Variants in NEBL observed in about 807,000 individuals in gnomAD.
The protein encoded by NEBL is nebulette.
A neutral mutation model predicts 140.2 loss-of-function variants in NEBL; 122 were observed. That is an observed-to-expected ratio of 0.87 (90% CI 0.75 to 1.01). NEBL has a LOEUF of 1.01. NEBL is among the 50% of genes least tolerant of loss of function. NEBL has a pLI of 0.00. For synonymous variants in NEBL, 436 were observed against 398.9 expected, an observed-to-expected ratio of 1.09 and a Z score of -1.11; for missense variants, 1,365 against 1,231.3, an observed-to-expected ratio of 1.11 and a Z score of -1.62.
intron 3 of NEBL, among the ~76,000 whole-genome samples, chr10:21,183,582 T>C (rs774258528): frequency 1.3e-5 from 2 of 152,190 alleles, no homozygotes; most frequent in Non-Finnish European, 2.9e-5. Flanking sequence ...ATCCACATCA[T>C]TTACAAAAGT....
intron 2 of NEBL, among the ~76,000 whole-genome samples, chr10:21,072,302 T>C (rs1371136470): frequency 6.6e-6 from 1 of 152,164 alleles, no homozygotes; most frequent in African/African-American, 2.4e-5. Flanking sequence ...TTTTATAATG[T>C]CATTGGATTT....
intron 2 of NEBL, among the ~76,000 whole-genome samples, chr10:21,024,067 G>C (rs1327576262): frequency 7.0e-6 from 1 of 142,142 alleles, no homozygotes; most frequent in African/African-American, 2.9e-5. Context: ...GTTACTCTGG[G>C]GAAAAAAAAA....
At chr10:20,942,124 T>C (rs189193565) in intron 4 of NEBL, among the ~76,000 whole-genome samples, 1 of 152,192 alleles carries the variant, frequency 6.6e-6, no homozygotes, top group African/African-American at 2.4e-5. Context: ...AGAGCCCACC[T>C]TGCCAAGTCA....
intron 2 of NEBL, among the ~76,000 whole-genome samples, chr10:21,164,791 C>T (rs542791846): frequency 6.6e-6 from 1 of 152,286 alleles, no homozygotes; most frequent in South Asian, 2.1e-4. Flanking sequence ...TTTTTATTGG[C>T]TCAAAGTATC....
At chr10:20,969,324 A>G (rs969724585) in intron 3 of NEBL, among the ~76,000 whole-genome samples, 7 of 152,034 alleles carry the variant, frequency 4.6e-5, no homozygotes, top group Admixed American at 4.6e-4. Flanking sequence ...ATAATTAAAA[A>G]GCATTAAAAA....
chr10:20,899,505 CAA>C (rs560002178), upstream of NEBL: 1,351 of 1,059,568 alleles, frequency 1.3e-3, 17 homozygotes, highest in South Asian at 0.012. Flanking sequence ...AAACAAAAAC[CAA>C]ACACCACGTG....
chr10:21,205,471 A>G (rs1033950265), intron 3 of NEBL, among the ~76,000 whole-genome samples: 1 of 152,234 alleles, frequency 6.6e-6, no homozygotes, highest in South Asian at 2.1e-4. Context: ...AATACTTTGC[A>G]GCTATTAAAA....
intron 2 of NEBL, among the ~76,000 whole-genome samples, chr10:21,114,935 A>C (rs766046911): frequency 3.3e-5 from 5 of 151,720 alleles, no homozygotes; most frequent in Non-Finnish European, 5.9e-5. Flanking sequence ...ATATATCGTC[A>C]TGCTATTTGT....
At chr10:21,130,707 C>T (rs1044656264) in intron 2 of NEBL, among the ~76,000 whole-genome samples, 108 of 152,030 alleles carry the variant, frequency 7.1e-4, no homozygotes, top group African/African-American at 2.6e-3. Context: ...GAAAATACAA[C>T]TTGTCAAAAA....
At position 20,889,916 on chromosome 10, in the gene NEBL, C is replaced by T. The variant is rs1307043925; in HGVS notation, c.187G>A (p.Asp63Asn). Residue 63 changes from aspartate (D) to asparagine (N), a missense_variant, in exon 3 of 28, where the codon GAT (aspartate) becomes AAT (asparagine). Transcript: ENST00000377122. ...RYKEEFKKSK[D>N]KCTFVTDSPM... The stretch of plus-strand genomic sequence containing the variant: ...CTGTCAGTCACAAATGTACACTTAT[C>T]CTTGGACTTTTTAAACTCTTCTTTA... 5 of 1,610,034 alleles carry T rather than the reference C, an allele frequency of 3.1e-6. No homozygotes were observed. The highest frequency in any genetic ancestry group is 3.4e-6 in the Non-Finnish European group (4 of 1,177,430).
chr10:21,248,009 TTA>T, intron 2 of NEBL: 4 of 222,498 alleles, frequency 1.8e-5, no homozygotes, highest in African/African-American at 9.6e-5. Context: ...GAAATTATGA[TTA>T]AAAAAAAAAA....
At chr10:21,127,560 C>T (rs556010517) in intron 2 of NEBL, among the ~76,000 whole-genome samples, 61 of 147,778 alleles carry the variant, frequency 4.1e-4, no homozygotes, top group Non-Finnish European at 7.7e-4. Context: ...GCAATCTTGC[C>T]TAGAAAAAAA....
At chr10:21,091,140 T>C (rs997460997) in intron 2 of NEBL, among the ~76,000 whole-genome samples, 1 of 152,202 alleles carries the variant, frequency 6.6e-6, no homozygotes, top group African/African-American at 2.4e-5. Context: ...CCATCATCTC[T>C]TTCCTGGCTT....
At chr10:21,051,597 C>T (rs1215774282) in intron 2 of NEBL, among the ~76,000 whole-genome samples, 1 of 151,906 alleles carries the variant, frequency 6.6e-6, no homozygotes, top group Non-Finnish European at 1.5e-5. Context: ...AGAAATGAGG[C>T]ACAAAAAAAT....
At chr10:20,793,589 T>A (rs1836219903) in intron 26 of NEBL, among the ~76,000 whole-genome samples, 1 of 151,688 alleles carries the variant, frequency 6.6e-6, no homozygotes, top group African/African-American at 2.4e-5. Flanking sequence ...GATCTGGCTC[T>A]GTCACCCAGG....
At chr10:21,100,437 C>G (rs976482306) in intron 2 of NEBL, among the ~76,000 whole-genome samples, 1 of 152,126 alleles carries the variant, frequency 6.6e-6, no homozygotes, top group African/African-American at 2.4e-5. Flanking sequence ...CTGGAAGAAT[C>G]GATGTTGCTA....
At chr10:20,975,722 T>C (rs1476492510) in intron 3 of NEBL, among the ~76,000 whole-genome samples, 1 of 152,126 alleles carries the variant, frequency 6.6e-6, no homozygotes, top group Non-Finnish European at 1.5e-5. Flanking sequence ...CTCCAGCATC[T>C]CTTGGACATG....
chr10:21,292,778 T>C lies in NEBL; in HGVS notation n.182+52A>G, dbSNP rs182281405. On this transcript the variant is annotated intron_variant and non_coding_transcript_variant, in intron 1 of 8. Transcript: ENST00000675702. The stretch of plus-strand genomic sequence containing the variant: ...TCAAATGTAAAAATCTGTATAAGGA[T>C]AGATTGTTTCATTTTGTTTCTTTAG... Among the ~76,000 whole-genome samples, 8 of 152,346 alleles carry C rather than the reference T, an allele frequency of 5.3e-5. No individual in the cohort carries two copies. The East Asian group carries it at 1.5e-3, about 29-fold the overall frequency.
intron 3 of NEBL, among the ~76,000 whole-genome samples, chr10:21,011,219 G>A (rs1341603290): frequency 6.6e-6 from 1 of 152,176 alleles, no homozygotes; most frequent in East Asian, 1.9e-4. Context: ...CAGGGGGAGA[G>A]CCCAGATCGC....
Sources: gnomAD v4.1 joint callset for allele counts (sites outside exome capture counted in the v4.1 genomes callset) on GRCh38, gnomAD v4.1.1 for gene constraint, MANE v1.5 for transcripts, NCBI Gene and HGNC (gene_info 2026-07-23, HGNC 2026-07-21) for gene names.